The following PPARGC1A variants were observed in gnomAD, a reference collection of about 807,000 sequenced individuals.
The protein encoded by PPARGC1A is PPARG coactivator 1 alpha, also known as peroxisome proliferator-activated receptor gamma coactivator 1-alpha.
PPARGC1A carries 25 observed loss-of-function variants against 88.7 expected under a neutral mutation model. That is an observed-to-expected ratio of 0.28 (90% CI 0.21 to 0.39). The LOEUF (loss-of-function observed/expected upper bound fraction) is 0.39, where lower values mean the gene tolerates loss of function less well. Ranked by LOEUF, PPARGC1A falls within the 10% of genes least tolerant of loss-of-function variation. The pLI is 1.00. For missense variants in PPARGC1A, 880 were observed against 968.7 expected (o/e 0.91, Z 1.22); for synonymous variants, 363 against 355.6 (o/e 1.02, Z -0.24).
the PPARGC1A span, among the ~76,000 whole-genome samples, chr4:24,109,496 A>G: frequency 6.6e-6 from 1 of 152,318 alleles, no homozygotes; most frequent in Admixed American, 6.5e-5. Context: ...GCACTGGATA[A>G]ATATTTGTTG....
chr4:24,132,428 T>C, the PPARGC1A span, among the ~76,000 whole-genome samples: 2 of 152,276 alleles, frequency 1.3e-5, no homozygotes, highest in Admixed American at 6.5e-5. Context: ...CAATGAATAG[T>C]GTCTCCCTCT....
chr4:23,944,953 C>G, the PPARGC1A span, among the ~76,000 whole-genome samples: 1 of 152,140 alleles, frequency 6.6e-6, no homozygotes, highest in African/African-American at 2.4e-5. Flanking sequence ...AACTGTGTAC[C>G]TTGCTCTATC....
chr4:24,355,760 G>A, the PPARGC1A span, among the ~76,000 whole-genome samples: 10 of 152,014 alleles, frequency 6.6e-5, no homozygotes, highest in Admixed American at 2.0e-4. Flanking sequence ...ACAAAAGAAC[G>A]TGGAAGTGCG....
chr4:24,136,439 C>A, the PPARGC1A span, among the ~76,000 whole-genome samples: 1 of 152,132 alleles, frequency 6.6e-6, no homozygotes, highest in Non-Finnish European at 1.5e-5. Flanking sequence ...TTAAGATAGG[C>A]AAGCTCTAAG....
At chr4:24,383,592 A>G in the PPARGC1A span, among the ~76,000 whole-genome samples, 1 of 152,192 alleles carries the variant, frequency 6.6e-6, no homozygotes, top group Non-Finnish European at 1.5e-5. Flanking sequence ...ACAAGTATCA[A>G]TAGCCGAATC....
At chr4:23,960,573 A>G in the PPARGC1A span, among the ~76,000 whole-genome samples, 1 of 152,134 alleles carries the variant, frequency 6.6e-6, no homozygotes, top group Admixed American at 6.6e-5. Context: ...AATCCTTCAT[A>G]GAGTTTCGCT....
the PPARGC1A span, among the ~76,000 whole-genome samples, chr4:23,929,973 C>A: frequency 6.6e-6 from 1 of 152,086 alleles, no homozygotes. Context: ...CCAAGGAAAT[C>A]CTCAAAACAT....
the PPARGC1A span, among the ~76,000 whole-genome samples, chr4:24,325,053 G>T: frequency 1.2e-4 from 18 of 152,192 alleles, no homozygotes; most frequent in Non-Finnish European, 2.2e-4. Context: ...TAAAAAGGTG[G>T]CTGGAGCCAA....
At chr4:24,194,811 T>C in the PPARGC1A span, among the ~76,000 whole-genome samples, 1 of 152,226 alleles carries the variant, frequency 6.6e-6, no homozygotes, top group Non-Finnish European at 1.5e-5. Flanking sequence ...AGGGATGCTA[T>C]TTCCACTGAG....
the PPARGC1A span, among the ~76,000 whole-genome samples, chr4:24,273,607 G>A: frequency 5.3e-4 from 81 of 152,210 alleles, no homozygotes; most frequent in African/African-American, 1.9e-3. Context: ...TTTCCTAAGT[G>A]TCAGGGCTGG....
At chr4:23,847,092 T>G (rs938229202) in intron 2 of PPARGC1A, among the ~76,000 whole-genome samples, 1 of 151,944 alleles carries the variant, frequency 6.6e-6, no homozygotes, top group Admixed American at 6.6e-5. Flanking sequence ...TCTTTGGAGG[T>G]GGGAGTTAGT....
At chr4:24,264,873 T>TA in the PPARGC1A span, among the ~76,000 whole-genome samples, 22 of 151,918 alleles carry the variant, frequency 1.4e-4, no homozygotes, top group Admixed American at 6.6e-4. Context: ...AGGTGTTACT[T>TA]AAAAAAAAGA....
the PPARGC1A span, among the ~76,000 whole-genome samples, chr4:24,101,820 CGAAAAGCACAAATTAAATACCTACTG>C: frequency 1.3e-5 from 2 of 152,102 alleles, no homozygotes; most frequent in East Asian, 3.9e-4. Context: ...TTCATGGATT[CGAAAAGCACAAATTAAATACCTACTG>C]TGTGCTAAGA....
chr4:24,454,309 T>C, the PPARGC1A span, among the ~76,000 whole-genome samples: 76,928 of 150,952 alleles, frequency 0.51, 20,147 homozygotes, highest in African/African-American at 0.64. Context: ...TAACATAGTA[T>C]ATGGTTTCAG....
At position 23,828,451 on chromosome 4, in the gene PPARGC1A, A is replaced by G; in HGVS notation, c.706T>C (p.Cys236Arg). ...GTGTGGGACTTCTTTTTGGAGGTGC[A>G]TTTGTCTCTGCTGCTGTTTCTGTTC... is the stretch of plus-strand genomic sequence containing the variant. ...TENRNSSRDK[C>R]TSKKKSHTQS... The change falls in exon 5 of 13, where the codon TGC (cysteine) becomes CGC (arginine). Residue 236 changes from cysteine to arginine, a missense_variant. Transcript: ENST00000264867. The G allele has an allele frequency of 6.2e-7, 1 of 1,613,058 alleles. No individual in the cohort carries two copies. The highest frequency in any genetic ancestry group is 1.1e-5 in the South Asian group (1 of 90,916).
At chr4:24,300,516 T>C in the PPARGC1A span, among the ~76,000 whole-genome samples, 1 of 151,794 alleles carries the variant, frequency 6.6e-6, no homozygotes, top group Admixed American at 6.6e-5. Context: ...ATGGATAATA[T>C]CAATTTCCAC....
chr4:23,796,846 C>T (rs2109308452), intron 12 of PPARGC1A, among the ~76,000 whole-genome samples: 1 of 152,140 alleles, frequency 6.6e-6, no homozygotes, highest in East Asian at 1.9e-4. Context: ...GGAAAACTAA[C>T]AATTCTACCA....
At position 23,862,621 on chromosome 4, in the gene PPARGC1A, A is replaced by T. The variant is rs111614814; in HGVS notation, c.234+22131T>A. ...ATGGTGATTATGAGAATTAGATAAG[A>T]CTAGTTTTTATTTTTTTAATTAAAC... On this transcript the variant is annotated intron_variant, in intron 2 of 12. Coordinates refer to ENST00000264867, the MANE Select transcript of PPARGC1A (RefSeq NM_013261.5). 5.3e-3 allele frequency among the ~76,000 whole-genome samples: 800 copies of T among 152,190 alleles called. 8 individuals are homozygous for T. The highest frequency in any genetic ancestry group is 0.018 in the African/African-American group (756 of 41,518).
At chr4:23,885,646 ATGTG>A (rs10657089) in intron 1 of PPARGC1A, among the ~76,000 whole-genome samples, 5,320 of 150,788 alleles carry the variant, frequency 0.035, 320 homozygotes, top group African/African-American at 0.12. Context: ...AACTTGCAAG[ATGTG>A]TGTGTGTGTG....
Sources: allele counts gnomAD v4.1 joint callset (sites outside exome capture counted in the v4.1 genomes callset), GRCh38; gene constraint gnomAD v4.1.1; transcripts MANE v1.5; gene names NCBI Gene and HGNC (gene_info 2026-07-23, HGNC 2026-07-21).